Variants in PIK3C2A observed in about 807,000 individuals in gnomAD.
PIK3C2A encodes phosphatidylinositol-4-phosphate 3-kinase catalytic subunit type 2 alpha.
PIK3C2A carries 97 observed loss-of-function variants against 204.5 expected under a neutral mutation model. That is an observed-to-expected ratio of 0.47 (90% CI 0.40 to 0.56). The LOEUF (loss-of-function observed/expected upper bound fraction) is 0.56, where lower values mean the gene tolerates loss of function less well. Ranked by LOEUF, PIK3C2A falls within the 20% of genes least tolerant of loss-of-function variation. The probability of loss-of-function intolerance (pLI) is 0.00; values close to 1 mark genes in which losing one functional copy is unlikely to be tolerated. For synonymous variants in PIK3C2A, 653 were observed against 664.4 expected, an observed-to-expected ratio of 0.98 and a Z score of 0.26; for missense variants, 1,735 against 1,969.2, an observed-to-expected ratio of 0.88 and a Z score of 2.25.
chr11:17,166,979 CT>C (rs371006174), intron 2 of PIK3C2A, among the ~76,000 whole-genome samples: 3 of 151,238 alleles, frequency 2.0e-5, no homozygotes, highest in Non-Finnish European at 3.0e-5. Flanking sequence ...CCAACTGCCC[CT>C]TTTTTTTTGA....
At chr11:17,188,209 A>ACTCATTAGCAGTCACATTTCTCC (rs1247220427) in intron 1 of PIK3C2A, among the ~76,000 whole-genome samples, 1 of 147,282 alleles carries the variant, frequency 6.8e-6, no homozygotes, top group Admixed American at 6.6e-5. Context: ...ATGGTGGTGC[A>ACTCATTAGCAGTCACATTTCTCC]TGCCTGTAAT....
intron 9 of PIK3C2A, among the ~76,000 whole-genome samples, chr11:17,135,384 C>T (rs1475509274): frequency 6.6e-6 from 1 of 152,058 alleles, no homozygotes; most frequent in Admixed American, 6.5e-5. Flanking sequence ...TGAAATATCA[C>T]AGAAACACAA....
intron 1 of PIK3C2A, among the ~76,000 whole-genome samples, chr11:17,170,989 G>A (rs1443488596): frequency 6.6e-6 from 1 of 152,092 alleles, no homozygotes; most frequent in Non-Finnish European, 1.5e-5. Flanking sequence ...TGTAGTCCCA[G>A]CTACTCAGGA....
intron 2 of PIK3C2A, among the ~76,000 whole-genome samples, chr11:17,156,029 C>G (rs1295503268): frequency 1.1e-4 from 16 of 152,164 alleles, no homozygotes; most frequent in African/African-American, 3.6e-4. Flanking sequence ...TCTATATATT[C>G]AACTAGGACC....
intron 23 of PIK3C2A, among the ~76,000 whole-genome samples, chr11:17,104,597 C>T (rs144535580): frequency 1.4e-3 from 216 of 151,992 alleles, no homozygotes; most frequent in African/African-American, 4.9e-3. Context: ...TGGTGGTGGG[C>T]GCCTGTAGCC....
intron 1 of PIK3C2A, among the ~76,000 whole-genome samples, chr11:17,186,796 C>T (rs548024373): frequency 6.6e-6 from 1 of 152,182 alleles, no homozygotes; most frequent in East Asian, 1.9e-4. Context: ...TGGCCTTGGC[C>T]GGGCACGGTG....
chr11:17,105,055 C>A lies in PIK3C2A; in HGVS notation c.3681+114G>T, dbSNP rs377255171. On this transcript the variant is annotated intron_variant, in intron 23 of 32. Transcript: ENST00000691414. ...TATACTTAGAAAAAGATGCTCTTTT[C>A]CTGACTTAGACTAAATGACTATTTG... 6.0e-5 allele frequency: 45 copies of A among 745,924 alleles called. No individual in the cohort carries two copies. The African/African-American group carries it at 6.6e-4, about 11-fold the overall frequency. 46.2% of individuals were successfully genotyped at this position (745,924 alleles called of 1,614,324 possible).
intron 3 of PIK3C2A, 36 bp from the exon 4 acceptor site, chr11:17,150,691 A>T (rs1006051766): frequency 9.3e-6 from 14 of 1,504,624 alleles, no homozygotes; most frequent in East Asian, 2.4e-5. Context: ...ATTCTTTTTT[A>T]AAAAAACTTC....
At chr11:17,171,313 C>T (rs1405234781) in intron 1 of PIK3C2A, among the ~76,000 whole-genome samples, 1 of 152,108 alleles carries the variant, frequency 6.6e-6, no homozygotes, top group Non-Finnish European at 1.5e-5. Flanking sequence ...TGTGATACAT[C>T]CAGTTTAAAT....
chr11:17,091,998 G>T lies in PIK3C2A; in HGVS notation c.4640C>A (p.Ala1547Glu), dbSNP rs1244268753. Reference sequence around the variant, plus strand: ...AAAGAGAAAAAAAATAATCTCACCTGCAGACCTAGCTATCCCTTCAGCTTT... The same window carrying T: ...AAAGAGAAAAAAAATAATCTCACCTTCAGACCTAGCTATCCCTTCAGCTTT... The part of the protein sequence containing the change: ...DEKAEGIARS[A>E]DAGSFSPTPG... The change falls in exon 30 of 33, where the codon GCA becomes GAA. Residue 1547 changes from alanine (A) to glutamate (E), a missense_variant and splice_region_variant. Ala to Glu is a moderately radical substitution (Grantham distance 107). Coordinates refer to ENST00000691414, the MANE Select transcript of PIK3C2A (RefSeq NM_002645.4). The T allele has an allele frequency of 1.9e-6, 3 of 1,595,112 alleles. No homozygotes were observed. The highest frequency in any genetic ancestry group is 2.6e-6 in the Non-Finnish European group (3 of 1,163,124).
chr11:17,119,610 A>G (rs904241068), intron 16 of PIK3C2A, among the ~76,000 whole-genome samples, 176 bp downstream of exon 16: 6 of 152,218 alleles, frequency 3.9e-5, no homozygotes, highest in African/African-American at 1.4e-4. Context: ...TTTAAAGGAC[A>G]TGCAATGCTT....
chr11:17,195,625 C>T (rs1852122993), intron 1 of PIK3C2A, among the ~76,000 whole-genome samples: 1 of 151,906 alleles, frequency 6.6e-6, no homozygotes, highest in South Asian at 2.1e-4. Flanking sequence ...CTGTCGTCGT[C>T]CCAGCTACTT....
intron 1 of PIK3C2A, among the ~76,000 whole-genome samples, chr11:17,173,546 A>G (rs1266724724): frequency 6.6e-6 from 1 of 152,214 alleles, no homozygotes; most frequent in Admixed American, 6.5e-5. Flanking sequence ...TCTGGATCCA[A>G]CTAAGCCCAA....
At chr11:17,144,374 C>T (rs1241332049) in intron 8 of PIK3C2A, among the ~76,000 whole-genome samples, 4 of 152,244 alleles carry the variant, frequency 2.6e-5, no homozygotes, top group African/African-American at 7.2e-5. Flanking sequence ...TTGTTTAAAT[C>T]CCTCACCACT....
At chr11:17,091,691 G>T in intron 30 of PIK3C2A, 35 bp from the exon 31 acceptor site, 1 of 1,321,418 alleles carries the variant, frequency 7.6e-7, no homozygotes, top group South Asian at 1.2e-5. Context: ...TTATTTACTG[G>T]TTGTAGTGGT....
chr11:17,136,606 T>C lies in PIK3C2A; in HGVS notation c.1724A>G (p.Asp575Gly). ...LQIENQHRAVDQVIKAVRKIC... is the reference protein window; with the variant it reads ...LQIENQHRAVGQVIKAVRKIC... The stretch of plus-strand genomic sequence containing the variant: ...TTTTCTTACAGCTTTAATTACTTGA[T>C]CTACTGCTCGGTGTTGGTTCTTTAA... The change falls in exon 9 of 33, where the codon GAT becomes GGT. Residue 575 changes from aspartate to glycine, a missense_variant. Physicochemically the swap from Asp to Gly is moderately conservative, Grantham distance 94 (BLOSUM62 -1). This residue lies in a region of PIK3C2A where 106 missense variants were observed against 108.2 expected (regional missense o/e 0.98). Coordinates refer to ENST00000691414, the MANE Select transcript of PIK3C2A (RefSeq NM_002645.4). The C allele has an allele frequency of 6.3e-7, 1 of 1,585,172 alleles. No individual in the cohort carries two copies.
In PIK3C2A at chr11:17,093,241, T is replaced by C. The variant is rs143923762; in HGVS notation, c.4452-965A>G. Among the ~76,000 whole-genome samples the C allele has an allele frequency of 2.3e-4, 35 of 152,328 alleles. 1 individual carries two copies. Among genetic ancestry groups the C allele is most frequent in the African/African-American group, 7.7e-4 (32 of 41,588 alleles). ...GGGTATCAGATACAAAACTAAGATT[T>C]TGATTGACAGTCTCGATGATGTTTG... is the stretch of plus-strand genomic sequence containing the variant. On this transcript the variant is annotated intron_variant, in intron 28 of 32. Transcript: ENST00000691414.
chr11:17,204,390 T>C (rs1157290556), intron 1 of PIK3C2A: 1 of 152,168 alleles, frequency 6.6e-6, no homozygotes, highest in Non-Finnish European at 1.5e-5. Flanking sequence ...ATAAGGAAAA[T>C]GGATACCAGA....
At chr11:17,163,121 C>T (rs1461303406) in intron 2 of PIK3C2A, among the ~76,000 whole-genome samples, 6 of 152,098 alleles carry the variant, frequency 3.9e-5, no homozygotes, top group Non-Finnish European at 8.8e-5. Flanking sequence ...GCCTAGTCAA[C>T]ATGGTGTAAC....
Sources: allele counts gnomAD v4.1 joint callset (sites outside exome capture counted in the v4.1 genomes callset), GRCh38; gene constraint gnomAD v4.1.1; regional missense constraint gnomAD v4.1.1; transcripts MANE v1.5; gene names NCBI Gene and HGNC (gene_info 2026-07-23, HGNC 2026-07-21).